The following OSBPL10 variants were observed in gnomAD, a reference collection of about 807,000 sequenced individuals.
OSBPL10 encodes oxysterol binding protein like 10.
OSBPL10 carries 49 observed loss-of-function variants against 81.7 expected under a neutral mutation model. The observed-to-expected ratio is 0.60, with a 90% CI of 0.48 to 0.76. OSBPL10 has a LOEUF of 0.76. Among genes scored for constraint, OSBPL10 ranks in the 30% least tolerant of loss-of-function variants. OSBPL10 has a pLI of 0.00. For missense variants in OSBPL10, 923 were observed against 987.8 expected (o/e 0.93, Z 0.88); for synonymous variants, 419 against 383.6 (o/e 1.09, Z -1.08).
At chr3:31,723,641 AC>A (rs1202457346) in intron 6 of OSBPL10, among the ~76,000 whole-genome samples, 2 of 152,086 alleles carry the variant, frequency 1.3e-5, no homozygotes, top group African/African-American at 4.8e-5. Context: ...ATTATTTAGC[AC>A]ACAGTAAGCC....
intron 1 of OSBPL10, among the ~76,000 whole-genome samples, chr3:31,969,242 T>C (rs1015973267): frequency 6.6e-6 from 1 of 152,126 alleles, no homozygotes; most frequent in South Asian, 2.1e-4. Context: ...AAGACATCTG[T>C]CAGCACTTAC....
At chr3:32,006,629 C>T (rs1699207752) in intron 2 of OSBPL10, among the ~76,000 whole-genome samples, 1 of 152,190 alleles carries the variant, frequency 6.6e-6, no homozygotes, top group African/African-American at 2.4e-5. Flanking sequence ...TACCTTCACA[C>T]AGAATGAAGT....
rs138413349 is a variant in OSBPL10, at chr3:31,786,621, C to T, written c.730-38501G>A. ...GATGGTAGAGACCTCATGGCCTAATCACCTCCAAAGAGCCCTACCTCTTAA... is the reference window on the plus strand; with the variant it reads ...GATGGTAGAGACCTCATGGCCTAATTACCTCCAAAGAGCCCTACCTCTTAA... On this transcript the variant is annotated intron_variant, in intron 4 of 11. Coordinates refer to ENST00000396556, the MANE Select transcript of OSBPL10 (RefSeq NM_017784.5). 6.6e-3 allele frequency among the ~76,000 whole-genome samples: 998 copies of T among 152,294 alleles called. 9 individuals carry two copies. Among genetic ancestry groups the T allele is most frequent in the African/African-American group, 0.023 (944 of 41,546 alleles).
At chr3:32,015,878 A>C (rs1699309503) in intron 2 of OSBPL10, among the ~76,000 whole-genome samples, 1 of 152,260 alleles carries the variant, frequency 6.6e-6, no homozygotes, top group Admixed American at 6.5e-5. Context: ...AGAGAAATGC[A>C]AATCAAAACC....
chr3:31,977,006 G>C (rs1239368541), intron 1 of OSBPL10, among the ~76,000 whole-genome samples: 1 of 152,120 alleles, frequency 6.6e-6, no homozygotes, highest in Non-Finnish European at 1.5e-5. Flanking sequence ...CTCCATTTTA[G>C]TTTGAGAGTA....
At chr3:31,793,992 G>A (rs577852954) in intron 4 of OSBPL10, among the ~76,000 whole-genome samples, 2 of 152,184 alleles carry the variant, frequency 1.3e-5, no homozygotes, top group South Asian at 2.1e-4. Context: ...GGTTGGTGTC[G>A]AGTGTCTTTG....
At chr3:31,727,465 T>G (rs1191590090) in intron 6 of OSBPL10, among the ~76,000 whole-genome samples, 2 of 152,088 alleles carry the variant, frequency 1.3e-5, no homozygotes, top group East Asian at 3.9e-4. Context: ...AGATGAGGAA[T>G]GGAGTGGGGA....
chr3:31,914,545 T>A (rs187761079), intron 1 of OSBPL10, among the ~76,000 whole-genome samples: 1 of 152,270 alleles, frequency 6.6e-6, no homozygotes, highest in Non-Finnish European at 1.5e-5. Flanking sequence ...TTGGGAAATG[T>A]CACAGCAAAA....
At chr3:31,676,885 G>A (rs9816137) in intron 8 of OSBPL10, among the ~76,000 whole-genome samples, 9,869 of 152,192 alleles carry the variant, frequency 0.065, 370 homozygotes, top group Middle Eastern at 0.1. Flanking sequence ...GAACAGTGTC[G>A]GCTCTCACTG....
At chr3:31,965,932 TATATA>T (rs1466860123) in intron 1 of OSBPL10, among the ~76,000 whole-genome samples, 2 of 105,918 alleles carry the variant, frequency 1.9e-5, no homozygotes, top group Non-Finnish European at 3.6e-5. Context: ...TAATATATAT[TATATA>T]AAATAGATAA....
chr3:31,923,897 AC>A (rs1243391465), intron 1 of OSBPL10, among the ~76,000 whole-genome samples: 2 of 152,160 alleles, frequency 1.3e-5, no homozygotes, highest in East Asian at 1.9e-4. Context: ...ATAATAGCTT[AC>A]TTTTCTGAAA....
chr3:31,780,022 G>A (rs527284970), intron 4 of OSBPL10, among the ~76,000 whole-genome samples: 67 of 152,300 alleles, frequency 4.4e-4, no homozygotes, highest in African/African-American at 1.6e-3. Context: ...GCCAGGTGTG[G>A]TGGCTCACGC....
intron 4 of OSBPL10, among the ~76,000 whole-genome samples, chr3:31,799,916 G>T (rs143817426): frequency 4.6e-5 from 7 of 152,188 alleles, no homozygotes; most frequent in Non-Finnish European, 8.8e-5. Context: ...ACCAATATTG[G>T]CCAGGCTGGT....
At chr3:31,700,037 G>A (rs562410876) in intron 7 of OSBPL10, among the ~76,000 whole-genome samples, 131 of 152,340 alleles carry the variant, frequency 8.6e-4, no homozygotes, top group African/African-American at 3.1e-3. Flanking sequence ...CAGGGCAACA[G>A]AAGCCAAGAA....
rs756495203 is a variant in OSBPL10 at position 31,670,986 on chromosome 3, C to G, written c.1727-3G>C. ...GTGTTCCAGGAGCCTCAACACACCT[C>G]CAGGGAGAGAGGAGGGAGAGTTAGG... On this transcript the variant is annotated splice_polypyrimidine_tract_variant and splice_region_variant and intron_variant, in intron 8 of 11. Coordinates refer to ENST00000396556, the MANE Select transcript of OSBPL10 (RefSeq NM_017784.5). The G allele has an allele frequency of 6.2e-7, 1 of 1,605,484 alleles. No homozygotes were observed. Among genetic ancestry groups the G allele is most frequent in the Admixed American group, 1.7e-5 (1 of 59,070 alleles).
chr3:31,698,157 A>G (rs763016400), intron 7 of OSBPL10, among the ~76,000 whole-genome samples: 2 of 152,024 alleles, frequency 1.3e-5, no homozygotes, highest in Non-Finnish European at 2.9e-5. Flanking sequence ...TTACCCTTTA[A>G]AAATACAACT....
intron 3 of OSBPL10, among the ~76,000 whole-genome samples, chr3:31,862,484 CT>C (rs202015997): frequency 3.3e-5 from 5 of 151,340 alleles, no homozygotes; most frequent in African/African-American, 7.3e-5. Flanking sequence ...AAATGTAATG[CT>C]TTTTTTTTAT....
intron 1 of OSBPL10, among the ~76,000 whole-genome samples, chr3:31,903,547 TCTCAAACTCCTGGA>T (rs1251876448): frequency 6.6e-6 from 1 of 152,056 alleles, no homozygotes; most frequent in Non-Finnish European, 1.5e-5. Flanking sequence ...CCCAGGCTGG[TCTCAAACTCCTGGA>T]CTCAAACAAT....
chr3:31,995,521 T>G (rs1699082561), intron 2 of OSBPL10, among the ~76,000 whole-genome samples: 1 of 152,166 alleles, frequency 6.6e-6, no homozygotes, highest in Non-Finnish European at 1.5e-5. Flanking sequence ...CTAAAATCGC[T>G]GTTATTCTGT....
Sources: gnomAD v4.1 joint callset for allele counts (sites outside exome capture counted in the v4.1 genomes callset) on GRCh38, gnomAD v4.1.1 for gene constraint, MANE v1.5 for transcripts, NCBI Gene and HGNC (gene_info 2026-07-23, HGNC 2026-07-21) for gene names.